SPATS2L: variants seen among roughly 807,000 people sequenced by gnomAD.
SPATS2L encodes the protein spermatogenesis associated serine rich 2 like.
SPATS2L carries 30 observed loss-of-function variants against 59.6 expected under a neutral mutation model. The ratio of observed to expected loss-of-function variants is 0.50; its 90% CI spans 0.38 to 0.68. SPATS2L has a LOEUF of 0.68. Among genes scored for constraint, SPATS2L ranks in the 30% least tolerant of loss-of-function variants. SPATS2L has a pLI of 0.00. For synonymous variants in SPATS2L, 252 were observed against 263.5 expected, an observed-to-expected ratio of 0.96 and a Z score of 0.42; for missense variants, 615 against 700.0, an observed-to-expected ratio of 0.88 and a Z score of 1.37.
chr2:200,385,566 AT>A (rs1384588094), intron 2 of SPATS2L, among the ~76,000 whole-genome samples: 1 of 152,134 alleles, frequency 6.6e-6, no homozygotes, highest in Non-Finnish European at 1.5e-5. Context: ...ACTAGTGCTG[AT>A]TGGAGGGTGC....
chr2:200,396,619 T>G (rs2082363716), intron 3 of SPATS2L, among the ~76,000 whole-genome samples: 1 of 152,168 alleles, frequency 6.6e-6, no homozygotes, highest in South Asian at 2.1e-4. Flanking sequence ...AGCATTTGAT[T>G]AGAGAGAGTA....
At chr2:200,315,048 A>G (rs1415704776) in intron 1 of SPATS2L, among the ~76,000 whole-genome samples, 3 of 152,256 alleles carry the variant, frequency 2.0e-5, no homozygotes, top group African/African-American at 7.2e-5. Context: ...AAAATTAAAC[A>G]TCACCTGTGT....
At chr2:200,357,713 T>G (rs2080962249) in intron 2 of SPATS2L, among the ~76,000 whole-genome samples, 1 of 152,182 alleles carries the variant, frequency 6.6e-6, no homozygotes, top group Non-Finnish European at 1.5e-5. Flanking sequence ...AAATGACAAG[T>G]ACATTGACTT....
chr2:200,322,607 T>C lies in SPATS2L; in HGVS notation c.-72-6824T>C, dbSNP rs577654249. On this transcript the variant is annotated intron_variant, in intron 1 of 12. Coordinates refer to ENST00000409140, the MANE Select transcript of SPATS2L (RefSeq NM_001100423.2). ...AGTCAGCCATTCGGAACATTTCTCTTGGCAGCTCTCAAATCTGACTTACAG... is the reference window on the plus strand; with the variant it reads ...AGTCAGCCATTCGGAACATTTCTCTCGGCAGCTCTCAAATCTGACTTACAG... 8.5e-5 allele frequency among the ~76,000 whole-genome samples: 13 copies of C among 152,320 alleles called. No individual in the cohort carries two copies. In the South Asian group the frequency reaches 2.5e-3, roughly 29 times the overall value.
At chr2:200,367,413 A>T (rs977399012) in intron 2 of SPATS2L, among the ~76,000 whole-genome samples, 1 of 152,220 alleles carries the variant, frequency 6.6e-6, no homozygotes, top group Admixed American at 6.5e-5. Context: ...GAAACAGCAA[A>T]GACAAATGGA....
intron 12 of SPATS2L, among the ~76,000 whole-genome samples, chr2:200,475,504 A>T (rs970155648): frequency 6.6e-6 from 1 of 152,158 alleles, no homozygotes; most frequent in Non-Finnish European, 1.5e-5. Context: ...TAAAAGACAG[A>T]TGGTTGTATT....
intron 8 of SPATS2L, among the ~76,000 whole-genome samples, chr2:200,445,933 C>G (rs1162490599): frequency 2.6e-5 from 4 of 152,168 alleles, no homozygotes; most frequent in African/African-American, 9.7e-5. Context: ...TTAATATCTA[C>G]TTCTTTCCAT....
intron 6 of SPATS2L, among the ~76,000 whole-genome samples, chr2:200,434,935 G>A (rs2084180178): frequency 6.6e-6 from 1 of 152,112 alleles, no homozygotes; most frequent in African/African-American, 2.4e-5. Context: ...AACTAGGACA[G>A]TGTAATGGTG....
At chr2:200,476,559 G>A (rs939505795) in intron 12 of SPATS2L, among the ~76,000 whole-genome samples, 2 of 152,240 alleles carry the variant, frequency 1.3e-5, no homozygotes, top group Non-Finnish European at 2.9e-5. Context: ...ACCCCTCGGG[G>A]GAGGGAGAGC....
intron 2 of SPATS2L, among the ~76,000 whole-genome samples, chr2:200,384,956 T>G (rs1299691630): frequency 2.0e-5 from 3 of 152,256 alleles, no homozygotes; most frequent in Non-Finnish European, 4.4e-5. Flanking sequence ...TTGATTGGTA[T>G]GTATGGAACA....
chr2:200,440,912 G>C (rs746810680), intron 8 of SPATS2L, 128 bp downstream of exon 8: 4 of 993,488 alleles, frequency 4.0e-6, no homozygotes, highest in Non-Finnish European at 5.8e-6. Flanking sequence ...AGCAAATTTT[G>C]TTAAGCCCTG....
intron 2 of SPATS2L, among the ~76,000 whole-genome samples, chr2:200,354,507 C>A (rs6720374): frequency 0.24 from 37,068 of 151,966 alleles, 5,749 homozygotes; most frequent in South Asian, 0.36. Context: ...ACTCAGGAGG[C>A]TGAGGCAGGA....
intron 10 of SPATS2L, among the ~76,000 whole-genome samples, chr2:200,469,284 A>G (rs1047993777): frequency 2.0e-5 from 3 of 152,208 alleles, no homozygotes; most frequent in African/African-American, 7.2e-5. Context: ...AGTTAATGGT[A>G]TCTGTTTTCC....
intron 6 of SPATS2L, among the ~76,000 whole-genome samples, chr2:200,431,088 G>A (rs2083901558): frequency 6.6e-6 from 1 of 152,138 alleles, no homozygotes; most frequent in Admixed American, 6.5e-5. Flanking sequence ...GAACAACCAT[G>A]ATTATTTCCT....
At chr2:200,428,941 C>T (rs1641251456) in intron 6 of SPATS2L, among the ~76,000 whole-genome samples, 1 of 152,190 alleles carries the variant, frequency 6.6e-6, no homozygotes, top group Non-Finnish European at 1.5e-5. Context: ...CAGCAATAGT[C>T]CACTCATTAA....
intron 6 of SPATS2L, among the ~76,000 whole-genome samples, chr2:200,436,433 G>C (rs1247541394): frequency 1.3e-5 from 2 of 152,068 alleles, no homozygotes; most frequent in Non-Finnish European, 2.9e-5. Flanking sequence ...ATGTACAAGT[G>C]GTCTTGAAGA....
chr2:200,325,831 G>C (rs1304439234), intron 1 of SPATS2L, among the ~76,000 whole-genome samples: 1 of 152,164 alleles, frequency 6.6e-6, no homozygotes, highest in African/African-American at 2.4e-5. Flanking sequence ...CAAATAGTCT[G>C]ATGCATCAGT....
chr2:200,384,377 G>A (rs955444302), intron 2 of SPATS2L, among the ~76,000 whole-genome samples: 4 of 151,050 alleles, frequency 2.6e-5, no homozygotes, highest in African/African-American at 9.8e-5. Context: ...TATTTGAGAT[G>A]GAGTCTTGCT....
chr2:200,452,509 AATTT>A (rs2085530078), intron 8 of SPATS2L, among the ~76,000 whole-genome samples: 1 of 152,326 alleles, frequency 6.6e-6, no homozygotes, highest in East Asian at 1.9e-4. Flanking sequence ...TATGATGAAC[AATTT>A]ATTAACCATG....
Sources: allele counts gnomAD v4.1 joint callset (sites outside exome capture counted in the v4.1 genomes callset), GRCh38; gene constraint gnomAD v4.1.1; transcripts MANE v1.5; gene names NCBI Gene and HGNC (gene_info 2026-07-23, HGNC 2026-07-21).